Variants in NRCAM observed in about 807,000 individuals in gnomAD.
NRCAM encodes the protein neuronal cell adhesion molecule, also known as NgCAM-related cell adhesion molecule.
In NRCAM, 83 loss-of-function variants were observed where a neutral mutation model predicts 156.5. The observed-to-expected ratio is 0.53, with a 90% confidence interval of 0.44 to 0.64. NRCAM has a LOEUF of 0.64. Ranked by LOEUF, NRCAM falls within the 30% of genes least tolerant of loss-of-function variation. The pLI, the probability that NRCAM is intolerant of heterozygous loss-of-function variation, is 0.00. For missense variants in NRCAM, 1,417 were observed against 1,597.3 expected (o/e 0.89, Z 1.92); for synonymous variants, 538 against 563.9 (o/e 0.95, Z 0.65).
chr7:108,251,672 T>C (rs955080183), intron 3 of NRCAM, among the ~76,000 whole-genome samples: 1 of 152,228 alleles, frequency 6.6e-6, no homozygotes, highest in Non-Finnish European at 1.5e-5. Context: ...ACCAGCCACA[T>C]GGTGCTGTCT....
At chr7:108,206,896 A>T (rs1314069028) in intron 13 of NRCAM, among the ~76,000 whole-genome samples, 2 of 152,176 alleles carry the variant, frequency 1.3e-5, no homozygotes, top group African/African-American at 4.8e-5. Flanking sequence ...CGGGGCAACA[A>T]GTATAGCCAG....
chr7:108,354,682 G>A (rs1358494484), intron 2 of NRCAM, among the ~76,000 whole-genome samples: 2 of 151,986 alleles, frequency 1.3e-5, no homozygotes, highest in East Asian at 3.9e-4. Flanking sequence ...ATCACCTGAG[G>A]TCAGGAGTTC....
chr7:108,238,195 A>C (rs2095263049), intron 4 of NRCAM, among the ~76,000 whole-genome samples: 1 of 152,206 alleles, frequency 6.6e-6, no homozygotes, highest in Admixed American at 6.5e-5. Context: ...TATGGTAATA[A>C]TACCTAACAA....
chr7:108,217,165 C>T (rs1233407107), intron 11 of NRCAM, among the ~76,000 whole-genome samples: 1 of 152,198 alleles, frequency 6.6e-6, no homozygotes, highest in African/African-American at 2.4e-5. Context: ...TTTGTTCTAA[C>T]AGTCAGGGCC....
chr7:108,409,172 G>GAAATGTACATCAAGGTA (rs1792211478), intron 1 of NRCAM, among the ~76,000 whole-genome samples: 1 of 152,196 alleles, frequency 6.6e-6, no homozygotes, highest in Non-Finnish European at 1.5e-5. Flanking sequence ...CGCGTGCAGA[G>GAAATGTACATCAAGGTA]CATTAAGAGA....
chr7:108,160,418 T>A lies in NRCAM; in HGVS notation c.3541A>T (p.Ile1181Phe), dbSNP rs1345311482. 10 of 1,613,676 alleles carry A rather than the reference T, an allele frequency of 6.2e-6. No homozygotes were observed. Among genetic ancestry groups the A allele is most frequent in the Non-Finnish European group, 8.5e-6 (10 of 1,179,668 alleles). The change falls in exon 31 of 33, where the codon ATC becomes TTC. Residue 1181 changes from isoleucine (I) to phenylalanine (F), a missense_variant. This residue lies in a region of NRCAM where 179 missense variants were observed against 260.9 expected (regional missense o/e 0.69). Coordinates refer to ENST00000379028, the MANE Select transcript of NRCAM (RefSeq NM_001037132.4). ...AAGCAAACAATCAGCAAAATTAAGA[T>A]AAGGAGAGCAACAGCACACATCAGA... is the stretch of plus-strand genomic sequence containing the variant. ...IGLMCAVALL[I>F]LILLIVCFIR...
intron 9 of NRCAM, 67 bp downstream of exon 9, chr7:108,226,141 A>T: frequency 1.8e-6 from 2 of 1,129,418 alleles, no homozygotes; most frequent in Non-Finnish European, 2.5e-6. Context: ...AGTATATAAT[A>T]GTTTCTATAT....
Position 108,316,159 on chromosome 7 carries a change from C to T in NRCAM, c.-173-3428G>A, listed in dbSNP as rs573399995. ...GGCTTTGCCCTCATGCATGGATTCA[C>T]GTCAATATTGTGGGAGTAGGTTTGT... On this transcript the variant is annotated intron_variant, in intron 2 of 32. Transcript: ENST00000379028. Among the ~76,000 whole-genome samples, 8 of 152,264 alleles carry T rather than the reference C, an allele frequency of 5.3e-5. No individual in the cohort carries two copies. The South Asian group carries it at 6.2e-4, about 12-fold the overall frequency.
chr7:108,225,914 C>T (rs539724496), intron 9 of NRCAM, among the ~76,000 whole-genome samples: 34 of 152,250 alleles, frequency 2.2e-4, no homozygotes, highest in African/African-American at 7.7e-4. Flanking sequence ...GCTGCAGGAC[C>T]GCCAATAAGA....
chr7:108,389,221 C>T (rs948544029), intron 2 of NRCAM, among the ~76,000 whole-genome samples: 1 of 152,118 alleles, frequency 6.6e-6, no homozygotes, highest in African/African-American at 2.4e-5. Context: ...TGTTTGTGTC[C>T]TCTCTTATTT....
At chr7:108,242,001 G>C (rs528172233) in intron 3 of NRCAM, among the ~76,000 whole-genome samples, 9 of 152,000 alleles carry the variant, frequency 5.9e-5, no homozygotes, top group Non-Finnish European at 1.0e-4. Context: ...TGCCAGGCCA[G>C]GTGCGGTCAT....
At chr7:108,417,688 A>C (rs923592420) in intron 1 of NRCAM, among the ~76,000 whole-genome samples, 1 of 152,182 alleles carries the variant, frequency 6.6e-6, no homozygotes, top group Non-Finnish European at 1.5e-5. Context: ...CTCAACTTCT[A>C]AATCTCTGGA....
At chr7:108,210,872 T>C (rs887892063) in intron 11 of NRCAM, among the ~76,000 whole-genome samples, 2 of 152,104 alleles carry the variant, frequency 1.3e-5, no homozygotes, top group Non-Finnish European at 2.9e-5. Context: ...TATTTGTCAA[T>C]AGAAATGCAA....
intron 9 of NRCAM, 59 bp from the exon 10 acceptor site, chr7:108,225,760 T>C: frequency 9.7e-7 from 1 of 1,027,614 alleles, no homozygotes. Flanking sequence ...GGTCAAAAAG[T>C]ATTGGGCAAT....
intron 11 of NRCAM, among the ~76,000 whole-genome samples, chr7:108,211,788 C>T (rs2084622512): frequency 6.6e-6 from 1 of 152,090 alleles, no homozygotes; most frequent in East Asian, 1.9e-4. Flanking sequence ...ACACCTAGCC[C>T]TACCCCCACC....
chr7:108,425,343 C>T (rs1368942041), intron 1 of NRCAM, among the ~76,000 whole-genome samples: 2 of 152,138 alleles, frequency 1.3e-5, no homozygotes, highest in Non-Finnish European at 2.9e-5. Context: ...TCCCAATATA[C>T]ATGGAGACTG....
chr7:108,160,697 G>A (rs1470861826), intron 30 of NRCAM, among the ~76,000 whole-genome samples: 1 of 152,134 alleles, frequency 6.6e-6, no homozygotes, highest in Non-Finnish European at 1.5e-5. Context: ...AATTCAAGTA[G>A]AGAAATCTGA....
chr7:108,386,579 T>C (rs1223278812), intron 2 of NRCAM, among the ~76,000 whole-genome samples: 3 of 152,174 alleles, frequency 2.0e-5, no homozygotes, highest in Admixed American at 2.0e-4. Flanking sequence ...GAGGTGTTAA[T>C]TTATTTTCAC....
At chr7:108,399,169 G>GT (rs1491205237) in intron 2 of NRCAM, among the ~76,000 whole-genome samples, 1 of 121,408 alleles carries the variant, frequency 8.2e-6, no homozygotes, top group African/African-American at 3.1e-5. Context: ...GGGTGTGTGT[G>GT]TTTGTGTGTG....
Sources: allele counts gnomAD v4.1 joint callset (sites outside exome capture counted in the v4.1 genomes callset), GRCh38; gene constraint gnomAD v4.1.1; regional missense constraint gnomAD v4.1.1; transcripts MANE v1.5; gene names NCBI Gene and HGNC (gene_info 2026-07-23, HGNC 2026-07-21).